ADAMTS16: variants seen among roughly 807,000 people sequenced by gnomAD.
ADAMTS16 encodes A disintegrin and metalloproteinase with thrombospondin motifs 16.
Under a neutral mutation model 145.8 loss-of-function variants are expected in ADAMTS16, and 94 were observed. The ratio of observed to expected loss-of-function variants is 0.64; its 90% confidence interval spans 0.55 to 0.77. The LOEUF (loss-of-function observed/expected upper bound fraction) is 0.77. Ranked by LOEUF, ADAMTS16 falls within the 30% of genes least tolerant of loss-of-function variation. ADAMTS16 has a pLI of 0.00. For missense variants in ADAMTS16, 1,585 were observed against 1,591.5 expected, an observed-to-expected ratio of 1.00 and a Z score of 0.07; for synonymous variants, 659 against 604.3, an observed-to-expected ratio of 1.09 and a Z score of -1.33.
chr5:5,233,556 C>T (rs916493267), intron 12 of ADAMTS16, among the ~76,000 whole-genome samples: 14 of 152,162 alleles, frequency 9.2e-5, no homozygotes. Flanking sequence ...GTGTTCTCAT[C>T]ATTCAGCTCT....
intron 9 of ADAMTS16, among the ~76,000 whole-genome samples, chr5:5,202,917 C>G (rs149693586): frequency 2.0e-5 from 3 of 151,982 alleles, no homozygotes; most frequent in African/African-American, 7.3e-5. Context: ...ATTTTGAGGA[C>G]GTTGAAAATA....
intron 21 of ADAMTS16, among the ~76,000 whole-genome samples, chr5:5,316,130 G>A (rs1053844296): frequency 2.6e-5 from 4 of 152,170 alleles, no homozygotes; most frequent in Admixed American, 2.6e-4. Context: ...GAAAGGTTCA[G>A]TCCCTGGTTG....
chr5:5,182,982 G>T (rs1396718156), intron 4 of ADAMTS16, among the ~76,000 whole-genome samples: 1 of 152,080 alleles, frequency 6.6e-6, no homozygotes, highest in Admixed American at 6.5e-5. Context: ...TGTTTCCTGC[G>T]TGGTTGGTTT....
At position 5,206,192 on chromosome 5, in the gene ADAMTS16, C is replaced by T. The variant is rs1033162680; in HGVS notation, c.1452-2901C>T. On this transcript the variant is annotated intron_variant, in intron 9 of 22. Coordinates refer to ENST00000274181, the MANE Select transcript of ADAMTS16 (RefSeq NM_139056.4). Reference sequence around the variant, plus strand: ...CTGTAATCCCAGCACTTTGGGAGGCCGAGGCGGGCGGATCACGAGGTCAGG... The same window carrying T: ...CTGTAATCCCAGCACTTTGGGAGGCTGAGGCGGGCGGATCACGAGGTCAGG... 4.3e-4 allele frequency among the ~76,000 whole-genome samples: 65 copies of T among 150,972 alleles called. 1 individual carries two copies. Among genetic ancestry groups the T allele is most frequent in the African/African-American group, 1.5e-3 (62 of 41,040 alleles).
intron 14 of ADAMTS16, among the ~76,000 whole-genome samples, chr5:5,238,321 C>T (rs2913634): frequency 0.99 from 150,856 of 152,324 alleles, 74,719 homozygotes; most frequent in Middle Eastern, 1. Context: ...TGTGAGACTA[C>T]TGATTGGTTT....
intron 3 of ADAMTS16, among the ~76,000 whole-genome samples, chr5:5,150,950 G>A (rs920002386): frequency 5.3e-5 from 8 of 152,142 alleles, no homozygotes; most frequent in African/African-American, 1.9e-4. Flanking sequence ...TTATGCATAT[G>A]TTGATATGTT....
chr5:5,212,678 T>C (rs1200716682), intron 10 of ADAMTS16, among the ~76,000 whole-genome samples: 2 of 152,234 alleles, frequency 1.3e-5, no homozygotes, highest in African/African-American at 2.4e-5. Context: ...TGTGTGTTTA[T>C]ATAAAATGTG....
At chr5:5,193,612 G>C (rs1735724466) in intron 8 of ADAMTS16, among the ~76,000 whole-genome samples, 1 of 152,188 alleles carries the variant, frequency 6.6e-6, no homozygotes. Context: ...ACTTAACTAA[G>C]TTAAACTAGA....
chr5:5,179,765 T>C (rs1361584311), intron 3 of ADAMTS16, among the ~76,000 whole-genome samples: 1 of 152,146 alleles, frequency 6.6e-6, no homozygotes, highest in African/African-American at 2.4e-5. Flanking sequence ...CACTTTCCCA[T>C]GGCTGTGTGG....
At chr5:5,141,135 G>T (rs1189960700) in intron 2 of ADAMTS16, among the ~76,000 whole-genome samples, 4 of 152,068 alleles carry the variant, frequency 2.6e-5, no homozygotes, top group Non-Finnish European at 5.9e-5. Flanking sequence ...TACATCCTCG[G>T]ATCCTCCTTC....
At chr5:5,221,659 T>C (rs1024453221) in intron 10 of ADAMTS16, among the ~76,000 whole-genome samples, 5 of 152,160 alleles carry the variant, frequency 3.3e-5, no homozygotes, top group African/African-American at 1.2e-4. Context: ...CCAGGGAAAA[T>C]ACGAAGCTGT....
chr5:5,232,467 A>T lies in ADAMTS16; in HGVS notation c.1801A>T (p.Thr601Ser). 6.2e-7 allele frequency: 1 copy of T among 1,614,014 alleles called. No individual in the cohort carries two copies. The highest frequency in any genetic ancestry group is 8.5e-7 in the Non-Finnish European group (1 of 1,179,988). Residue 601 changes from threonine to serine, a missense_variant, in exon 12 of 23, where the codon ACC becomes TCC. Thr to Ser is a moderately conservative substitution (Grantham distance 58, BLOSUM62 1). Around this residue, in one of 3 missense-constraint regions of ADAMTS16, gnomAD observed 298 missense variants for 367.6 expected, o/e 0.81. Coordinates refer to ENST00000274181, the MANE Select transcript of ADAMTS16 (RefSeq NM_139056.4). ...DWSSWSPCSR[T>S]CGGGVSHRSR... The stretch of plus-strand genomic sequence containing the variant: ...GTCTTCTTGGTCCCCATGCTCCAGG[A>T]CCTGCGGAGGGGGAGTATCTCATAG...
intron 18 of ADAMTS16, among the ~76,000 whole-genome samples, chr5:5,268,864 A>T (rs1738358082): frequency 6.6e-6 from 1 of 152,002 alleles, no homozygotes; most frequent in Non-Finnish European, 1.5e-5. Flanking sequence ...CTTCTAGGGG[A>T]GTAGAGGGCC....
chr5:5,285,231 T>C (rs1340516036), intron 18 of ADAMTS16, among the ~76,000 whole-genome samples: 1 of 152,206 alleles, frequency 6.6e-6, no homozygotes, highest in Admixed American at 6.5e-5. Flanking sequence ...AGACATTAAC[T>C]CAGAATCTGG....
intron 20 of ADAMTS16, among the ~76,000 whole-genome samples, chr5:5,305,266 C>T (rs1579406567): frequency 1.3e-5 from 1 of 75,994 alleles, no homozygotes; most frequent in Non-Finnish European, 2.7e-5. Flanking sequence ...CACACACAAT[C>T]CCACACCACA....
At chr5:5,218,978 T>G (rs1736516391) in intron 10 of ADAMTS16, among the ~76,000 whole-genome samples, 1 of 152,116 alleles carries the variant, frequency 6.6e-6, no homozygotes, top group African/African-American at 2.4e-5. Flanking sequence ...GTCTCAGGTT[T>G]CCACGGGCAC....
intron 17 of ADAMTS16, among the ~76,000 whole-genome samples, chr5:5,261,364 C>T (rs574561675): frequency 6.6e-6 from 1 of 152,296 alleles, no homozygotes; most frequent in African/African-American, 2.4e-5. Flanking sequence ...TCTCAAACTC[C>T]TGGACTCAAG....
rs1738075094 is a variant in ADAMTS16, at chr5:5,262,713, T to C, written c.2719T>C (p.Ser907Pro). 6.2e-7 allele frequency: 1 copy of C among 1,614,238 alleles called. No individual in the cohort carries two copies. The highest frequency in any genetic ancestry group is 1.3e-5 in the African/African-American group (1 of 75,060). The part of the protein sequence containing the change: ...YRDLKFQVNM[S>P]FCNPKTRPVT... ...AGACCTGAAGTTTCAAGTAAATATG[T>C]CCTTCTGCAATCCCAAGACACGACC... The change falls in exon 18 of 23, where the codon TCC (serine) becomes CCC (proline). Residue 907 changes from serine to proline, a missense_variant. Coordinates refer to ENST00000274181, the MANE Select transcript of ADAMTS16 (RefSeq NM_139056.4).
Position 5,255,343 on chromosome 5 carries a change from T to A in ADAMTS16, c.2663-7314T>A, listed in dbSNP as rs7730391. ...TCTAGGTATTTCAAGCAAGAAGTTA[T>A]TTAACACAGAGGATTTGTTGTTTAC... On this transcript the variant is annotated intron_variant, in intron 17 of 22. Coordinates refer to ENST00000274181, the MANE Select transcript of ADAMTS16 (RefSeq NM_139056.4). 5.8e-3 allele frequency among the ~76,000 whole-genome samples: 887 copies of A among 152,338 alleles called. 10 individuals are homozygous for A. Among genetic ancestry groups the A allele is most frequent in the African/African-American group, 0.02 (845 of 41,578 alleles).
Sources: gnomAD v4.1 joint callset for allele counts (sites outside exome capture counted in the v4.1 genomes callset) on GRCh38, gnomAD v4.1.1 for gene constraint, gnomAD v4.1.1 regional missense constraint, MANE v1.5 for transcripts, NCBI Gene and HGNC (gene_info 2026-07-23, HGNC 2026-07-21) for gene names.